The following ME1 variants were observed in gnomAD, a reference collection of about 807,000 sequenced individuals.
ME1 encodes the protein NADP-dependent malic enzyme.
In ME1, 74 loss-of-function variants were observed where a neutral mutation model predicts 66.4. The ratio of observed to expected loss-of-function variants is 1.11; its 90% CI spans 0.92 to 1.35. ME1 has a LOEUF of 1.35. ME1 is among the 40% of genes most tolerant of loss of function. The pLI is 0.00. For synonymous variants in ME1, 251 were observed against 235.6 expected (o/e 1.07, Z -0.60); for missense variants, 750 against 694.1 (o/e 1.08, Z -0.90).
At position 83,305,984 on chromosome 6, in the gene ME1, C is replaced by T. The variant is rs1260161248; in HGVS notation, c.704+9326G>A. Among the ~76,000 whole-genome samples the T allele has an allele frequency of 5.9e-5, 9 of 152,194 alleles. 1 individual carries two copies. In the South Asian group the frequency reaches 1.0e-3, roughly 18 times the overall value. Reference sequence around the variant, plus strand: ...AGTAAATTGCTTTCACATGTTCATACCTGCTTTACCTTTGTCTATAAACAC... The same window carrying T: ...AGTAAATTGCTTTCACATGTTCATATCTGCTTTACCTTTGTCTATAAACAC... On this transcript the variant is annotated intron_variant, in intron 6 of 13. Coordinates refer to ENST00000369705, the MANE Select transcript of ME1 (RefSeq NM_002395.6).
intron 4 of ME1, among the ~76,000 whole-genome samples, chr6:83,347,339 A>T (rs1768708184): frequency 6.6e-6 from 1 of 152,230 alleles, no homozygotes; most frequent in Non-Finnish European, 1.5e-5. Flanking sequence ...GTAATTTGAT[A>T]TCATTATTGA....
intron 4 of ME1, among the ~76,000 whole-genome samples, chr6:83,346,974 G>T (rs2128543919): frequency 6.6e-6 from 1 of 150,894 alleles, no homozygotes; most frequent in South Asian, 2.1e-4. Context: ...TTTTTTCCGA[G>T]ACGGAGTCTT....
intron 5 of ME1, among the ~76,000 whole-genome samples, chr6:83,331,131 T>C (rs1258961450): frequency 6.6e-6 from 1 of 152,184 alleles, no homozygotes; most frequent in Non-Finnish European, 1.5e-5. Context: ...TGAGGACTGA[T>C]CATGTGCTAT....
chr6:83,395,508 G>A lies in ME1; in HGVS notation c.362+2859C>T, dbSNP rs1394450269. On this transcript the variant is annotated intron_variant, in intron 3 of 13. Transcript: ENST00000369705. ...TTTTTTTTTTTTGAGACAGAGTCTC[G>A]CTCTGTTACCAGGCTAGAGTGCAGT... 4.1e-5 allele frequency among the ~76,000 whole-genome samples: 6 copies of A among 147,772 alleles called. No individual in the cohort carries two copies. The South Asian group carries it at 6.5e-4, about 16-fold the overall frequency.
chr6:83,387,127 A>G (rs557393025), intron 3 of ME1, among the ~76,000 whole-genome samples: 4 of 152,298 alleles, frequency 2.6e-5, no homozygotes, highest in Admixed American at 2.0e-4. Flanking sequence ...TCATTTTACA[A>G]TCACTGAGTT....
In ME1 at chr6:83,216,608, A is replaced by G; in HGVS notation, c.1450-12T>C. 6.4e-7 allele frequency: 1 copy of G among 1,570,410 alleles called. No homozygotes were observed. Among genetic ancestry groups the G allele is most frequent in the Non-Finnish European group, 8.6e-7 (1 of 1,161,332 alleles). On this transcript the variant is annotated splice_polypyrimidine_tract_variant and intron_variant, in intron 12 of 13. Transcript: ENST00000369705. ...TGCTGAGCTATAACCTTATGAAAAAAAGAAAGAAAAAAAGTGTTTATACTT... is the reference window on the plus strand; with the variant it reads ...TGCTGAGCTATAACCTTATGAAAAAGAGAAAGAAAAAAAGTGTTTATACTT...
chr6:83,260,004 C>A (rs893959201), intron 6 of ME1, among the ~76,000 whole-genome samples: 2 of 152,096 alleles, frequency 1.3e-5, no homozygotes, highest in African/African-American at 2.4e-5. Context: ...AGAAACAACT[C>A]TGTTTCCAAA....
chr6:83,351,531 G>A (rs1020050676), intron 4 of ME1, among the ~76,000 whole-genome samples: 1 of 152,166 alleles, frequency 6.6e-6, no homozygotes, highest in African/African-American at 2.4e-5. Flanking sequence ...TAACCCATCT[G>A]TGCCTTTCTT....
intron 6 of ME1, among the ~76,000 whole-genome samples, chr6:83,310,509 T>G (rs1767910686): frequency 6.6e-6 from 1 of 152,166 alleles, no homozygotes; most frequent in Non-Finnish European, 1.5e-5. Flanking sequence ...CTTGGAATAG[T>G]CTGAGAAAGC....
chr6:83,250,221 A>AGAAAATAACAGGATTGTTATTTTCCTT lies in ME1; in HGVS notation c.814+3381_814+3407dup, dbSNP rs551224101. On this transcript the variant is annotated intron_variant, in intron 7 of 13. Coordinates refer to ENST00000369705, the MANE Select transcript of ME1 (RefSeq NM_002395.6). ...CAAACTTCCAATCCTGTTATTTCAA[A>AGAAAATAACAGGATTGTTATTTTCCTT]GAAAATAACAGGATTGTTATTTTCC... is the stretch of plus-strand genomic sequence containing the variant. Among the ~76,000 whole-genome samples, 1,079 of 152,058 alleles carry AGAAAATAACAGGATTGTTATTTTCCTT rather than the reference A, an allele frequency of 7.1e-3. 3 individuals are homozygous for AGAAAATAACAGGATTGTTATTTTCCTT. The highest frequency in any genetic ancestry group is 0.01 in the Non-Finnish European group (695 of 67,976).
intron 3 of ME1, among the ~76,000 whole-genome samples, chr6:83,355,928 T>C (rs774065027): frequency 7.2e-5 from 11 of 152,160 alleles, no homozygotes; most frequent in Non-Finnish European, 1.3e-4. Flanking sequence ...CTAAGAATAC[T>C]CCTATTTTTG....
intron 6 of ME1, among the ~76,000 whole-genome samples, chr6:83,291,474 TC>T (rs554267566): frequency 2.0e-5 from 3 of 152,340 alleles, no homozygotes; most frequent in African/African-American, 7.2e-5. Flanking sequence ...TTGTAGGGTT[TC>T]TGCAGAGAGA....
At chr6:83,415,522 T>A (rs1770143589) in intron 1 of ME1, among the ~76,000 whole-genome samples, 1 of 152,210 alleles carries the variant, frequency 6.6e-6, no homozygotes, top group Admixed American at 6.5e-5. Context: ...AATGGATGTA[T>A]AAATACATTA....
intron 1 of ME1, among the ~76,000 whole-genome samples, chr6:83,409,009 C>T (rs1440678017): frequency 2.0e-5 from 3 of 152,026 alleles, no homozygotes; most frequent in Admixed American, 2.0e-4. Flanking sequence ...AGAGCAGACC[C>T]CTCATGTATA....
intron 6 of ME1, among the ~76,000 whole-genome samples, chr6:83,298,931 GTTTTTTTTTTTTTTTT>G (rs61055748): frequency 0.058 from 1,304 of 22,434 alleles, 27 homozygotes; most frequent in East Asian, 0.28. Context: ...CTATGTGTCT[GTTTTTTTTTTTTTTTT>G]TTTTTTTTTT....
chr6:83,289,501 G>A (rs1167379296), intron 6 of ME1, among the ~76,000 whole-genome samples: 4 of 152,122 alleles, frequency 2.6e-5, no homozygotes, highest in African/African-American at 9.7e-5. Context: ...CGATGAAGCT[G>A]ACTTGATCGT....
intron 1 of ME1, among the ~76,000 whole-genome samples, chr6:83,428,632 G>A (rs549305234): frequency 3.3e-5 from 5 of 152,222 alleles, no homozygotes; most frequent in African/African-American, 1.2e-4. Context: ...AAGGCCTAGA[G>A]GTCTTGAATG....
chr6:83,246,858 T>A (rs1286896244), intron 7 of ME1, among the ~76,000 whole-genome samples: 1 of 152,126 alleles, frequency 6.6e-6, no homozygotes, highest in Non-Finnish European at 1.5e-5. Flanking sequence ...TCTAAAAGCA[T>A]CATTAACAGT....
At position 83,243,818 on chromosome 6, in the gene ME1, TATATA is replaced by T. The variant is rs1432035321; in HGVS notation, c.815-4187_815-4183del. Among the ~76,000 whole-genome samples, 48 of 134,938 alleles carry T rather than the reference TATATA, an allele frequency of 3.6e-4. No individual in the cohort carries two copies. The East Asian group carries it at 5.8e-3, about 16-fold the overall frequency. The allele number at this position is 134,938 out of a possible 152,430, so 88.5% of individuals were successfully genotyped here. A position where few individuals can be genotyped will look rare whatever the true frequency, so the allele number is the denominator to read the frequency against. On this transcript the variant is annotated intron_variant, in intron 7 of 13. Coordinates refer to ENST00000369705, the MANE Select transcript of ME1 (RefSeq NM_002395.6). ...ATATTTATATATTATATATTATATTTATATAATATAATATATAATATAAATTATAT... is the reference window on the plus strand; with the variant it reads ...ATATTTATATATTATATATTATATTTATATAATATATAATATAAATTATAT...
Sources: gnomAD v4.1 joint callset for allele counts (sites outside exome capture counted in the v4.1 genomes callset) on GRCh38, gnomAD v4.1.1 for gene constraint, MANE v1.5 for transcripts, NCBI Gene and HGNC (gene_info 2026-07-23, HGNC 2026-07-21) for gene names.